Variants in NEK10 observed in about 807,000 individuals in gnomAD.
The protein encoded by NEK10 is NIMA related kinase 10.
NEK10 carries 122 observed loss-of-function variants against 159.8 expected under a neutral mutation model. The observed-to-expected ratio is 0.76, with a 90% CI of 0.66 to 0.89. The LOEUF (loss-of-function observed/expected upper bound fraction) is 0.89, where lower values mean the gene tolerates loss of function less well. Ranked by LOEUF, NEK10 falls within the 40% of genes least tolerant of loss-of-function variation. The probability of loss-of-function intolerance (pLI) is 0.00; values close to 1 mark genes in which losing one functional copy is unlikely to be tolerated. For missense variants in NEK10, 1,342 were observed against 1,323.1 expected, an observed-to-expected ratio of 1.01 and a Z score of -0.22; for synonymous variants, 466 against 457.1, an observed-to-expected ratio of 1.02 and a Z score of -0.25.
At chr3:27,191,894 T>C in intron 26 of NEK10, 135 bp downstream of exon 26, 1 of 651,304 alleles carries the variant, frequency 1.5e-6, no homozygotes, top group South Asian at 1.9e-5. Context: ...TGGATATAAA[T>C]ATGTAACTAT....
At chr3:27,238,988 A>G (rs9838341) in intron 23 of NEK10, among the ~76,000 whole-genome samples, 1,823 of 152,164 alleles carry the variant, frequency 0.012, 18 homozygotes, top group African/African-American at 0.024. Flanking sequence ...GATTGGTTGC[A>G]AGAGTCAACC....
At chr3:27,286,631 T>G (rs1328320755) in intron 20 of NEK10, among the ~76,000 whole-genome samples, 2 of 147,100 alleles carry the variant, frequency 1.4e-5, no homozygotes, top group Non-Finnish European at 3.0e-5. Context: ...CTCAAGTGAT[T>G]CGCCAGCCTC....
At chr3:27,282,538 T>TTTTATATATATATATA (rs1553615978) in intron 22 of NEK10, among the ~76,000 whole-genome samples, 1 of 42,144 alleles carries the variant, frequency 2.4e-5, no homozygotes, top group African/African-American at 8.7e-5. Context: ...CATAAATGTG[T>TTTTATATATATATATA]TATATATATA....
intron 22 of NEK10, among the ~76,000 whole-genome samples, chr3:27,258,633 G>C (rs1347187373): frequency 6.6e-6 from 1 of 152,108 alleles, no homozygotes; most frequent in Admixed American, 6.5e-5. Context: ...GGACATTTGG[G>C]TTGGTTCCAA....
intron 5 of NEK10, among the ~76,000 whole-genome samples, chr3:27,329,337 C>T (rs895147394): frequency 2.0e-5 from 3 of 152,114 alleles, no homozygotes; most frequent in African/African-American, 7.2e-5. Context: ...CAGACTAATA[C>T]AGAGAGTGTA....
At position 27,111,059 on chromosome 3, in the gene NEK10, T is replaced by C. The variant is rs147208893; in HGVS notation, c.*213A>G. On this transcript the variant is annotated 3_prime_UTR_variant, in exon 36 of 36. Coordinates refer to ENST00000691995, the MANE Select transcript of NEK10 (RefSeq NM_001394966.1). ...ACACTGGTAGCTCTGACATCCTGTATATAATGTGTTCTGGCAATGAAGCCC... is the reference window on the plus strand; with the variant it reads ...ACACTGGTAGCTCTGACATCCTGTACATAATGTGTTCTGGCAATGAAGCCC... 1.8e-3 allele frequency: 732 copies of C among 398,698 alleles called. 5 individuals carry two copies. Among genetic ancestry groups the C allele is most frequent in the African/African-American group, 0.014 (679 of 48,518 alleles). The allele number at this position is 398,698 out of a possible 1,614,324, so 24.7% of individuals were successfully genotyped here.
rs927453458 is a variant in NEK10 at position 27,163,582 on chromosome 3, G to A, written c.2832-844C>T. 8.5e-5 allele frequency among the ~76,000 whole-genome samples: 13 copies of A among 152,180 alleles called. No individual in the cohort carries two copies. The South Asian group carries it at 2.7e-3, about 32-fold the overall frequency. On this transcript the variant is annotated intron_variant, in intron 29 of 35. Transcript: ENST00000691995. ...TTAGCCAGGATGGTCTCGATCTCCT[G>A]ACGTCATGATCCACCTGCCTCAGCC...
intron 30 of NEK10, among the ~76,000 whole-genome samples, chr3:27,158,962 C>T (rs188903539): frequency 2.8e-4 from 42 of 152,118 alleles, no homozygotes; most frequent in African/African-American, 9.4e-4. Flanking sequence ...GACCTGAGAC[C>T]TTTTTCCCCA....
intron 30 of NEK10, among the ~76,000 whole-genome samples, chr3:27,152,749 T>C (rs1201154974): frequency 6.6e-6 from 1 of 152,112 alleles, no homozygotes; most frequent in Non-Finnish European, 1.5e-5. Flanking sequence ...TCACCAACCA[T>C]CTGCTGTCTT....
chr3:27,291,185 CAATTG>C, intron 18 of NEK10, 72 bp downstream of exon 18: 1 of 1,338,690 alleles, frequency 7.5e-7, no homozygotes, highest in Non-Finnish European at 1.0e-6. Flanking sequence ...AGTTCTAATT[CAATTG>C]AATATCGGTG....
intron 23 of NEK10, among the ~76,000 whole-genome samples, chr3:27,227,535 C>T (rs1294485723): frequency 1.3e-5 from 2 of 152,194 alleles, no homozygotes; most frequent in Admixed American, 6.5e-5. Context: ...TCCCATTTCA[C>T]GGACCTCCTG....
chr3:27,139,707 C>CTG (rs1209389263), intron 31 of NEK10, among the ~76,000 whole-genome samples: 1 of 152,106 alleles, frequency 6.6e-6, no homozygotes, highest in Non-Finnish European at 1.5e-5. Flanking sequence ...TAACCATGGT[C>CTG]TGTGTTTGAT....
At chr3:27,231,847 A>C (rs1166090862) in intron 23 of NEK10, among the ~76,000 whole-genome samples, 7 of 151,812 alleles carry the variant, frequency 4.6e-5, no homozygotes, top group Admixed American at 3.9e-4. Flanking sequence ...AATCAGTAAT[A>C]AAAACACTGC....
chr3:27,284,706 TTGAAACAA>T lies in NEK10; in HGVS notation c.1912-10_1912-3del. 6.2e-7 allele frequency: 1 copy of T among 1,600,942 alleles called. No homozygotes were observed. The highest frequency in any genetic ancestry group is 8.6e-7 in the Non-Finnish European group (1 of 1,168,182). On this transcript the variant is annotated splice_polypyrimidine_tract_variant and splice_region_variant and intron_variant, in intron 21 of 35. Transcript: ENST00000691995. ...TAAGTATCGAAGAGCTAAGCACAGC[TTGAAACAA>T]TGAATAGAAAACAAATTTTATTTCC...
chr3:27,229,708 T>G lies in NEK10; in HGVS notation c.2090+26588A>C, dbSNP rs1272547316. The stretch of plus-strand genomic sequence containing the variant: ...GAACTTCTGGAAATGAAAGACACAC[T>G]TAAGGAAATACAAAATGCAATGGAC... On this transcript the variant is annotated intron_variant, in intron 23 of 35. Transcript: ENST00000691995. 2.0e-5 allele frequency among the ~76,000 whole-genome samples: 3 copies of G among 151,984 alleles called. No homozygotes were observed. The East Asian group carries it at 5.8e-4, about 29-fold the overall frequency.
At chr3:27,303,046 A>G (rs1458690297) in intron 12 of NEK10, among the ~76,000 whole-genome samples, 2 of 152,246 alleles carry the variant, frequency 1.3e-5, no homozygotes, top group Non-Finnish European at 2.9e-5. Flanking sequence ...TGCCAGCTGC[A>G]GTCAGCCCAG....
chr3:27,211,276 C>G (rs1950988925), intron 23 of NEK10, among the ~76,000 whole-genome samples: 1 of 152,078 alleles, frequency 6.6e-6, no homozygotes, highest in Admixed American at 6.5e-5. Flanking sequence ...ATACTAAGTA[C>G]TATACAAATG....
chr3:27,269,445 C>A (rs1406258024), intron 22 of NEK10, among the ~76,000 whole-genome samples: 5 of 152,204 alleles, frequency 3.3e-5, no homozygotes, highest in African/African-American at 1.2e-4. Flanking sequence ...GATCAGTAAG[C>A]AGCATCAAGT....
At chr3:27,208,900 C>T (rs974119631) in intron 23 of NEK10, among the ~76,000 whole-genome samples, 3 of 152,158 alleles carry the variant, frequency 2.0e-5, no homozygotes, top group African/African-American at 4.8e-5. Context: ...ACTGCCGTTA[C>T]GCAGTTAGTT....
Sources: allele counts gnomAD v4.1 joint callset (sites outside exome capture counted in the v4.1 genomes callset), GRCh38; gene constraint gnomAD v4.1.1; transcripts MANE v1.5; gene names NCBI Gene and HGNC (gene_info 2026-07-23, HGNC 2026-07-21).